MCF2: variants seen among roughly 807,000 people sequenced by gnomAD.
MCF2 encodes the protein MCF.2 cell line derived transforming sequence, also known as proto-oncogene DBL.
A neutral mutation model predicts 82.5 loss-of-function variants in MCF2; 44 were observed. The ratio of observed to expected loss-of-function variants is 0.53; its 90% CI spans 0.42 to 0.69. MCF2 has a LOEUF of 0.69. Ranked by LOEUF, MCF2 falls within the 30% of genes least tolerant of loss-of-function variation. The pLI is 0.00. For missense variants in MCF2, 623 were observed against 663.1 expected (o/e 0.94, Z 0.66); for synonymous variants, 217 against 224.9 (o/e 0.96, Z 0.32).
chrX:139,656,186 C>T (rs1023584342), intron 1 of MCF2, among the ~76,000 whole-genome samples: 4 of 111,809 alleles, frequency 3.6e-5, no homozygotes, highest in South Asian at 3.7e-4. Context: ...CTCAGCCTCC[C>T]GAGTAGCTGG....
At chrX:139,628,604 G>A (rs1322202004) in intron 4 of MCF2, among the ~76,000 whole-genome samples, 1 of 111,287 alleles carries the variant, frequency 9.0e-6, no homozygotes, top group Non-Finnish European at 1.9e-5. Context: ...ACCTGCACAT[G>A]TACCCTCTGG....
In MCF2 at chrX:139,658,182, G is replaced by A. The variant is rs773489292; in HGVS notation, c.-44-6394C>T. Among the ~76,000 whole-genome samples, 5 of 111,461 alleles carry A rather than the reference G, an allele frequency of 4.5e-5. No individual in the cohort carries two copies. The South Asian group carries it at 1.9e-3, about 42-fold the overall frequency. ...AAATTTGAAATTAATAGAATTCTGA[G>A]TCATATTCATTTGTTTTGGGATTTG... On this transcript the variant is annotated intron_variant, in intron 1 of 27. Coordinates refer to the MCF2 transcript ENST00000414978.
At chrX:139,593,598 G>A (rs1929733260) in intron 19 of MCF2, among the ~76,000 whole-genome samples, 2 of 111,089 alleles carry the variant, frequency 1.8e-5, no homozygotes, top group South Asian at 7.7e-4. Context: ...GAGAATTTTA[G>A]ACCAATATCC....
At chrX:139,643,647 T>C (rs1933687022), upstream of MCF2, among the ~76,000 whole-genome samples, 1 of 111,064 alleles carries the variant, frequency 9.0e-6, no homozygotes, top group Non-Finnish European at 1.9e-5. Flanking sequence ...CCAAGTTCTT[T>C]ACTGAGCATA....
chrX:139,651,961 A>C (rs1341365992), intron 1 of MCF2, among the ~76,000 whole-genome samples, 173 bp from the exon 2 acceptor site: 1 of 111,288 alleles, frequency 9.0e-6, no homozygotes, highest in East Asian at 2.8e-4. Flanking sequence ...AAGAAATCAC[A>C]CTCGAAAATA....
chrX:139,700,379 A>T (rs1226436171), intron 1 of MCF2, among the ~76,000 whole-genome samples: 2 of 112,258 alleles, frequency 1.8e-5, no homozygotes, highest in Non-Finnish European at 3.8e-5. Flanking sequence ...CCAGAAGGAC[A>T]GAACAGCCTC....
intron 1 of MCF2, among the ~76,000 whole-genome samples, chrX:139,686,162 C>T (rs751055990): frequency 3.3e-4 from 37 of 110,607 alleles, no homozygotes; most frequent in African/African-American, 1.2e-3. Flanking sequence ...CAGCCGACAT[C>T]ACACTGAATG....
chrX:139,707,949 G>A (rs1014046153), intron 1 of MCF2, among the ~76,000 whole-genome samples, 157 bp downstream of exon 1: 1 of 111,628 alleles, frequency 9.0e-6, no homozygotes, highest in African/African-American at 3.3e-5. Context: ...GCAAATCATT[G>A]GTCCTAGAAA....
intron 19 of MCF2, among the ~76,000 whole-genome samples, chrX:139,595,309 A>G (rs1293453954): frequency 9.1e-6 from 1 of 110,264 alleles, no homozygotes; most frequent in Non-Finnish European, 1.9e-5. Context: ...TCACAATAGC[A>G]AAGACTTGGA....
At chrX:139,656,084 C>G (rs370736697) in intron 1 of MCF2, among the ~76,000 whole-genome samples, 1 of 111,679 alleles carries the variant, frequency 9.0e-6, no homozygotes, top group South Asian at 3.7e-4. Flanking sequence ...TGTTTTGAGA[C>G]GGAGTCTCGC....
chrX:139,686,766 C>G (rs1935134865), intron 1 of MCF2, among the ~76,000 whole-genome samples: 1 of 111,544 alleles, frequency 9.0e-6, no homozygotes, highest in African/African-American at 3.3e-5. Flanking sequence ...TTTGATCACT[C>G]TTACCACCTC....
chrX:139,628,757 T>C (rs972801144), intron 4 of MCF2, among the ~76,000 whole-genome samples: 1 of 112,132 alleles, frequency 8.9e-6, no homozygotes, highest in Non-Finnish European at 1.9e-5. Flanking sequence ...CCAGTGCTTG[T>C]TCAGATTATT....
chrX:139,599,010 G>T (rs1458482154), intron 16 of MCF2, among the ~76,000 whole-genome samples: 1 of 109,998 alleles, frequency 9.1e-6, no homozygotes, highest in Non-Finnish European at 1.9e-5. Context: ...AAATATAAGG[G>T]TCATGATGTT....
Position 139,631,783 on chromosome X carries a change from A to G in MCF2, c.172-272T>C, listed in dbSNP as rs76846548. Among the ~76,000 whole-genome samples the G allele has an allele frequency of 4.8e-3, 533 of 111,885 alleles. 10 individuals carry two copies. The East Asian group carries it at 0.088, about 19-fold the overall frequency. On this transcript the variant is annotated intron_variant, in intron 2 of 24. Coordinates refer to ENST00000370576, the Ensembl canonical transcript of MCF2. Reference sequence around the variant, plus strand: ...CTCCATCTAAAAGTTTGCATTGTTAATGGTCCAGCTTCTAAAAGAATGCTA... The same window carrying G: ...CTCCATCTAAAAGTTTGCATTGTTAGTGGTCCAGCTTCTAAAAGAATGCTA...
chrX:139,626,678 T>C (rs1932769521), exon 5 of MCF2: 1 of 1,207,907 alleles, frequency 8.3e-7, no homozygotes, highest in Non-Finnish European at 1.1e-6. Context: ...AGTCTTGAAC[T>C]GACAGCTCCT....
chrX:139,697,767 A>G (rs760161141), intron 1 of MCF2, among the ~76,000 whole-genome samples: 1 of 112,236 alleles, frequency 8.9e-6, no homozygotes, highest in South Asian at 3.7e-4. Context: ...TTAAAGGCCA[A>G]AACTTTCCTT....
intron 1 of MCF2, among the ~76,000 whole-genome samples, chrX:139,687,298 A>G (rs181896940): frequency 8.9e-6 from 1 of 112,848 alleles, no homozygotes; most frequent in African/African-American, 3.2e-5. Context: ...AGATTCTTAC[A>G]TCTGCCATAA....
intron 1 of MCF2, among the ~76,000 whole-genome samples, chrX:139,677,071 C>T (rs748645585): frequency 8.9e-6 from 1 of 111,921 alleles, no homozygotes; most frequent in South Asian, 3.8e-4. Context: ...CATGCATGCA[C>T]ACTAAGAGGA....
intron 1 of MCF2, among the ~76,000 whole-genome samples, chrX:139,637,510 A>C (rs2148505042): frequency 9.0e-6 from 1 of 111,493 alleles, no homozygotes; most frequent in South Asian, 3.8e-4. Flanking sequence ...CAAAAAAAAT[A>C]CGTATATTTA....
Sources: gnomAD v4.1 joint callset for allele counts (sites outside exome capture counted in the v4.1 genomes callset) on GRCh38, gnomAD v4.1.1 for gene constraint, MANE v1.5 for transcripts, NCBI Gene and HGNC (gene_info 2026-07-23, HGNC 2026-07-21) for gene names.